The following TMX2 variants were observed in gnomAD, a reference collection of about 807,000 sequenced individuals.
TMX2 encodes the protein thioredoxin-related transmembrane protein 2.
A neutral mutation model predicts 33.4 loss-of-function variants in TMX2; 20 were observed. The ratio of observed to expected loss-of-function variants is 0.60; its 90% CI spans 0.42 to 0.87. TMX2 has a LOEUF of 0.87. Ranked by LOEUF, TMX2 falls within the 40% of genes least tolerant of loss-of-function variation. TMX2 has a pLI of 0.00. For synonymous variants in TMX2, 166 were observed against 140.7 expected, an observed-to-expected ratio of 1.18 and a Z score of -1.27; for missense variants, 340 against 370.7, an observed-to-expected ratio of 0.92 and a Z score of 0.68.
chr11:57,714,526 T>A (rs1050739941), intron 1 of TMX2, among the ~76,000 whole-genome samples: 1 of 151,558 alleles, frequency 6.6e-6, no homozygotes, highest in Admixed American at 6.6e-5. Context: ...TTTGTGGTGA[T>A]TTTTTTTTCA....
chr11:57,720,317 C>G (rs566412750), intron 1 of TMX2, among the ~76,000 whole-genome samples: 3 of 152,146 alleles, frequency 2.0e-5, no homozygotes, highest in African/African-American at 7.2e-5. Context: ...ATGTATATGT[C>G]TATACATGTG....
At chr11:57,736,694 C>T (rs1352744486) in intron 1 of TMX2, among the ~76,000 whole-genome samples, 1 of 151,848 alleles carries the variant, frequency 6.6e-6, no homozygotes, top group African/African-American at 2.4e-5. Context: ...TCCATACCAG[C>T]CCGGGCAACA....
rs184427440 is a variant in TMX2, at chr11:57,730,131, A to G, written c.190-7477A>G. Among the ~76,000 whole-genome samples, 635 of 148,652 alleles carry G rather than the reference A, an allele frequency of 4.3e-3. 21 individuals carry two copies. The highest frequency in any genetic ancestry group is 0.042 in the Admixed American group (615 of 14,806). The stretch of plus-strand genomic sequence containing the variant: ...CCCACAAAAAAAAATAATTATATAT[A>G]TATATATGCATGTGGTGGCCATGGT... On this transcript the variant is annotated intron_variant, in intron 1 of 7. Coordinates refer to ENST00000278422, the MANE Select transcript of TMX2 (RefSeq NM_015959.4).
At chr11:57,716,679 C>T (rs1947097125) in intron 1 of TMX2, among the ~76,000 whole-genome samples, 1 of 142,250 alleles carries the variant, frequency 7.0e-6, no homozygotes, top group African/African-American at 2.6e-5. Context: ...CCCCCCACCT[C>T]CCTCCCGGAC....
chr11:57,732,206 T>C, intron 1 of TMX2, among the ~76,000 whole-genome samples: 1 of 152,172 alleles, frequency 6.6e-6, no homozygotes, highest in East Asian at 1.9e-4. Flanking sequence ...TCAGCAAAAC[T>C]TTAGAAGGTG....
At chr11:57,736,313 A>G (rs1309359903) in intron 1 of TMX2, among the ~76,000 whole-genome samples, 1 of 150,236 alleles carries the variant, frequency 6.7e-6, no homozygotes. Context: ...CATAAAATAC[A>G]CTAACACCTA....
chr11:57,717,755 GAGAGGC>G (rs1192422381), intron 1 of TMX2, among the ~76,000 whole-genome samples: 13 of 145,638 alleles, frequency 8.9e-5, no homozygotes, highest in Middle Eastern at 3.4e-3. Flanking sequence ...AGGGGAGAGG[GAGAGGC>G]AGAGGCAGAG....
intron 1 of TMX2, among the ~76,000 whole-genome samples, chr11:57,716,316 CGG>C (rs1947022168): frequency 7.1e-6 from 1 of 140,496 alleles, no homozygotes; most frequent in Admixed American, 6.9e-5. Context: ...ACCTCCCTCC[CGG>C]ACGGGGCGGC....
intron 1 of TMX2, among the ~76,000 whole-genome samples, chr11:57,716,494 C>T (rs1947059675): frequency 2.3e-5 from 3 of 131,576 alleles, no homozygotes; most frequent in African/African-American, 8.8e-5. Flanking sequence ...CTGAGGGGCT[C>T]CTCACTTCCC....
At chr11:57,739,951 G>A in intron 7 of TMX2, 148 bp from the exon 8 acceptor site, 2 of 1,014,496 alleles carry the variant, frequency 2.0e-6, no homozygotes, top group South Asian at 1.6e-5. Flanking sequence ...ACTTTTCTGG[G>A]TACCTAAAAA....
At chr11:57,723,137 C>T (rs1947745985) in intron 1 of TMX2, among the ~76,000 whole-genome samples, 1 of 151,612 alleles carries the variant, frequency 6.6e-6, no homozygotes, top group Non-Finnish European at 1.5e-5. Flanking sequence ...TAAATAAACA[C>T]ACGGATGTCA....
At position 57,712,812 on chromosome 11, in the gene TMX2, G is replaced by C; in HGVS notation, c.189+5G>C. The C allele has an allele frequency of 6.2e-7, 1 of 1,613,900 alleles. No individual in the cohort carries two copies. Among genetic ancestry groups the C allele is most frequent in the Non-Finnish European group, 8.5e-7 (1 of 1,179,964 alleles). On this transcript the variant is annotated splice_donor_5th_base_variant and intron_variant, in intron 1 of 7. Coordinates refer to ENST00000278422, the MANE Select transcript of TMX2 (RefSeq NM_015959.4). Reference sequence around the variant, plus strand: ...AACCCGTGTGACTTTGACTGGGTGAGCCTCCCGCGTGTTAGTACCCCGCGA... The same window carrying C: ...AACCCGTGTGACTTTGACTGGGTGACCCTCCCGCGTGTTAGTACCCCGCGA...
At chr11:57,716,527 C>A (rs1299538658) in intron 1 of TMX2, among the ~76,000 whole-genome samples, 1 of 123,090 alleles carries the variant, frequency 8.1e-6, no homozygotes, top group Admixed American at 7.7e-5. Flanking sequence ...CGGGCAGAGG[C>A]GCCCCTCACC....
At chr11:57,726,674 A>G (rs1038260894) in intron 1 of TMX2, among the ~76,000 whole-genome samples, 5 of 152,182 alleles carry the variant, frequency 3.3e-5, no homozygotes, top group Non-Finnish European at 7.4e-5. Context: ...ATACCAGTAT[A>G]TGGTGCAATA....
intron 1 of TMX2, among the ~76,000 whole-genome samples, chr11:57,730,425 TTA>T (rs1948294405): frequency 2.5e-5 from 1 of 39,882 alleles, no homozygotes. Flanking sequence ...GAAACTGTCT[TTA>T]AAAAAAAAAA....
chr11:57,737,944 C>T lies in TMX2; in HGVS notation c.282C>T (p.Phe94=). ...TGGAGCAACATATAGGCAACATTTT[C>T]ATGTTTAGTAAAGTGGCCAACACAA... ...ITVEQHIGNI[F]MFSKVANTIL... is the part of the protein sequence containing the mutation. Residue 94 remains phenylalanine, a synonymous_variant, in exon 3 of 8, where the codon TTC becomes TTT. Transcript: ENST00000278422. 1.2e-6 allele frequency: 2 copies of T among 1,614,092 alleles called. No individual in the cohort carries two copies. Among genetic ancestry groups the T allele is most frequent in the Non-Finnish European group, 1.7e-6 (2 of 1,179,970 alleles).
At chr11:57,739,587 G>A (rs1306514685) in intron 7 of TMX2, among the ~76,000 whole-genome samples, 4 of 152,126 alleles carry the variant, frequency 2.6e-5, no homozygotes, top group Non-Finnish European at 5.9e-5. Context: ...GAGAAACCCC[G>A]TGTCTACTAA....
chr11:57,717,032 G>A (rs755469020), intron 1 of TMX2, among the ~76,000 whole-genome samples: 402 of 148,262 alleles, frequency 2.7e-3, no homozygotes, highest in Non-Finnish European at 4.9e-3. Flanking sequence ...ACGGGGTCGC[G>A]GCCGGGCAGA....
intron 1 of TMX2, among the ~76,000 whole-genome samples, chr11:57,722,183 G>A (rs987631158): frequency 1.3e-5 from 2 of 152,032 alleles, no homozygotes; most frequent in Non-Finnish European, 2.9e-5. Flanking sequence ...AAAATCATTT[G>A]TGGAGAGGAG....
Sources: allele counts gnomAD v4.1 joint callset (sites outside exome capture counted in the v4.1 genomes callset), GRCh38; gene constraint gnomAD v4.1.1; transcripts MANE v1.5; gene names NCBI Gene and HGNC (gene_info 2026-07-23, HGNC 2026-07-21).